Variants in SNX1 observed in about 807,000 individuals in gnomAD.
SNX1 encodes sorting nexin 1.
Under a neutral mutation model 71.8 loss-of-function variants are expected in SNX1, and 36 were observed. That is an observed-to-expected ratio of 0.50 (90% CI 0.38 to 0.66). The LOEUF (loss-of-function observed/expected upper bound fraction) is 0.66, where lower values mean the gene tolerates loss of function less well. Among genes scored for constraint, SNX1 ranks in the 30% least tolerant of loss-of-function variants. The pLI is 0.00. For synonymous variants in SNX1, 254 were observed against 240.7 expected, an observed-to-expected ratio of 1.06 and a Z score of -0.51; for missense variants, 612 against 646.7, an observed-to-expected ratio of 0.95 and a Z score of 0.58.
chr15:64,130,180 G>A (rs759095271), intron 9 of SNX1, 48 bp from the exon 10 acceptor site: 3 of 1,538,370 alleles, frequency 2.0e-6, no homozygotes, highest in South Asian at 2.2e-5. Context: ...AGACTGTACT[G>A]CACCCATAAA....
At chr15:64,123,918 C>G (rs2081221011) in intron 5 of SNX1, among the ~76,000 whole-genome samples, 1 of 151,922 alleles carries the variant, frequency 6.6e-6, no homozygotes, top group African/African-American at 2.4e-5. Flanking sequence ...TAACCTTTTG[C>G]CCCTCTAGTC....
Position 64,142,730 on chromosome 15 carries a change from AGAT to A in SNX1, c.*5115_*5117del, listed in dbSNP as rs1390478655. ...CAGCGTTTGGGCTCCGGAGTGCTGA[AGAT>A]GAGGACTGGACTTCGAGCTGGTGTG... is the stretch of plus-strand genomic sequence containing the variant. On this transcript the variant is annotated 3_prime_UTR_variant, in exon 15 of 15. Transcript: ENST00000559844. 1 of 455,942 alleles carries A rather than the reference AGAT, an allele frequency of 2.2e-6. No homozygotes were observed. The allele number at this position is 455,942 out of a possible 1,614,324, so 28.2% of individuals were successfully genotyped here. A position where few individuals can be genotyped will look rare whatever the true frequency, so the allele number is the denominator to read the frequency against.
intron 1 of SNX1, among the ~76,000 whole-genome samples, chr15:64,107,604 CT>C (rs2081035462): frequency 1.3e-5 from 2 of 152,202 alleles, no homozygotes; most frequent in Non-Finnish European, 2.9e-5. Flanking sequence ...TAGTATTGGT[CT>C]GTCTGTATGC....
chr15:64,126,207 G>A lies in SNX1; in HGVS notation c.639G>A (p.Glu213=), dbSNP rs776626028. Residue 213 remains glutamate (E), a synonymous_variant, in exon 6 of 15, where the codon GAG becomes GAA. Transcript: ENST00000559844. ...GCTTCATTGTCCCTCCGCCCCCGGA[G>A]AAGAGCCTCATAGGTAAGCCTGTGG... ...QNGFIVPPPP[E]KSLIGMTKVK... is the part of the protein sequence containing the mutation. 6.2e-7 allele frequency: 1 copy of A among 1,613,940 alleles called. No homozygotes were observed. Among genetic ancestry groups the A allele is most frequent in the Non-Finnish European group, 8.5e-7 (1 of 1,179,972 alleles).
At chr15:64,132,789 C>T (rs1235243824) in intron 11 of SNX1, among the ~76,000 whole-genome samples, 2 of 152,226 alleles carry the variant, frequency 1.3e-5, no homozygotes. Flanking sequence ...CAGGCTGTCA[C>T]TTACCCCGTG....
At chr15:64,137,419 G>T in intron 14 of SNX1, 149 bp from the exon 15 acceptor site, 1 of 727,270 alleles carries the variant, frequency 1.4e-6, no homozygotes, top group East Asian at 2.7e-5. Context: ...GAGGTGTGAA[G>T]GTCATGTGGC....
chr15:64,137,970 A>G lies in SNX1; in HGVS notation c.*352A>G, dbSNP rs1300325112. ...GTTTTCTGTTACTCCTGATGGTGCC[A>G]TGAAAAGGTTATGTAATAAAATATT... On this transcript the variant is annotated 3_prime_UTR_variant, in exon 15 of 15. Coordinates refer to ENST00000559844, the MANE Select transcript of SNX1 (RefSeq NM_003099.5). The G allele has an allele frequency of 6.2e-6, 9 of 1,442,500 alleles. No individual in the cohort carries two copies. Among genetic ancestry groups the G allele is most frequent in the Admixed American group, 5.8e-5 (2 of 34,708 alleles). 89.4% of individuals were successfully genotyped at this position (1,442,500 alleles called of 1,614,324 possible). A position where few individuals can be genotyped will look rare whatever the true frequency, so the allele number is the denominator to read the frequency against.
At chr15:64,100,853 T>C (rs1018973859) in intron 1 of SNX1, among the ~76,000 whole-genome samples, 8 of 152,242 alleles carry the variant, frequency 5.3e-5, no homozygotes, top group Non-Finnish European at 8.8e-5. Context: ...TCTCCCAGGC[T>C]AGAGGGCAGT....
intron 7 of SNX1, 22 bp from the exon 8 acceptor site, chr15:64,127,709 A>G (rs375244317): frequency 9.4e-5 from 151 of 1,598,112 alleles, no homozygotes; most frequent in Non-Finnish European, 1.2e-4. Context: ...AACTAACCAG[A>G]TGATAACTGC....
chr15:64,135,423 C>A (rs2081349106), intron 12 of SNX1, among the ~76,000 whole-genome samples: 1 of 150,510 alleles, frequency 6.6e-6, no homozygotes, highest in African/African-American at 2.4e-5. Flanking sequence ...TTAGACCAGC[C>A]TGGCCAACAT....
chr15:64,136,072 T>A (rs1417434882), intron 12 of SNX1, among the ~76,000 whole-genome samples: 1 of 152,182 alleles, frequency 6.6e-6, no homozygotes, highest in Non-Finnish European at 1.5e-5. Context: ...TGCTGGCATG[T>A]CAGAGCCTTC....
At chr15:64,130,984 A>C (rs1470672282) in intron 10 of SNX1, among the ~76,000 whole-genome samples, 1 of 152,202 alleles carries the variant, frequency 6.6e-6, no homozygotes, top group Non-Finnish European at 1.5e-5. Context: ...AGCCTTCAAA[A>C]TCTAAAAAAT....
chr15:64,129,092 C>G lies in SNX1; in HGVS notation c.808-824C>G, dbSNP rs566770040. Reference sequence around the variant, plus strand: ...CAAAATCCTGTCTCTACTAAAAATACAAAAATTAGCGGGTCGTGGTGGCGG... The same window carrying G: ...CAAAATCCTGTCTCTACTAAAAATAGAAAAATTAGCGGGTCGTGGTGGCGG... On this transcript the variant is annotated intron_variant, in intron 8 of 14. Coordinates refer to ENST00000559844, the MANE Select transcript of SNX1 (RefSeq NM_003099.5). The surrounding 1 kb of genome is among the most constrained non-coding windows in gnomAD (Gnocchi z 4.4). Among the ~76,000 whole-genome samples, 2 of 152,030 alleles carry G rather than the reference C, an allele frequency of 1.3e-5. No individual in the cohort carries two copies. The highest frequency in any genetic ancestry group is 2.9e-5 in the Non-Finnish European group (2 of 67,978).
rs1303260950 is a variant in SNX1, at chr15:64,140,783, C to T, written c.*3165C>T. 1 of 152,146 alleles carries T rather than the reference C, an allele frequency of 6.6e-6. No homozygotes were observed. Among genetic ancestry groups the T allele is most frequent in the Non-Finnish European group, 1.5e-5 (1 of 68,068 alleles). 9.4% of individuals were successfully genotyped at this position (152,146 alleles called of 1,614,324 possible). On this transcript the variant is annotated 3_prime_UTR_variant, in exon 15 of 15. Transcript: ENST00000559844. ...ATTTTTGGTAGAAATGGGGGTTTTA[C>T]CATGTTGGGGAGGCTGGTCTCGAAC...
intron 2 of SNX1, among the ~76,000 whole-genome samples, chr15:64,116,562 A>G (rs1031154373): frequency 3.3e-5 from 5 of 152,332 alleles, no homozygotes; most frequent in South Asian, 4.1e-4. Flanking sequence ...TGATTATGCT[A>G]TAGGCATATA....
chr15:64,118,378 A>C, intron 3 of SNX1, 134 bp downstream of exon 3: 1 of 991,908 alleles, frequency 1.0e-6, no homozygotes, highest in Non-Finnish European at 1.5e-6. Flanking sequence ...GTTAATGGAC[A>C]GCCAGAATCC....
At chr15:64,120,450 T>A (rs1036271912) in intron 4 of SNX1, among the ~76,000 whole-genome samples, 6 of 151,894 alleles carry the variant, frequency 4.0e-5, no homozygotes, top group Non-Finnish European at 5.9e-5. Flanking sequence ...TTTTTTTATA[T>A]TTTTTGTAGA....
At position 64,134,760 on chromosome 15, in the gene SNX1, G is replaced by A. The variant is rs758734208; in HGVS notation, c.1318G>A (p.Ala440Thr). ...KREAEARLLW[A>T]NKPDKLQQAK... ...GGAGGCCGAGGCTCGGCTGCTGTGGGCCAACAAGCCTGATAAGCTGCAGCA... is the reference window on the plus strand; with the variant it reads ...GGAGGCCGAGGCTCGGCTGCTGTGGACCAACAAGCCTGATAAGCTGCAGCA... The change falls in exon 12 of 15, where the codon GCC becomes ACC. Residue 440 changes from alanine to threonine, a missense_variant. Transcript: ENST00000559844. This position sits in a 1 kb window ranked among gnomAD's most constrained non-coding sequence, Gnocchi z 4.1. 6 of 1,613,834 alleles carry A rather than the reference G, an allele frequency of 3.7e-6. No individual in the cohort carries two copies. The Admixed American group carries it at 8.3e-5, about 22-fold the overall frequency.
chr15:64,105,141 A>G (rs2081007100), intron 1 of SNX1, among the ~76,000 whole-genome samples: 1 of 150,770 alleles, frequency 6.6e-6, no homozygotes, highest in Non-Finnish European at 1.5e-5. Flanking sequence ...AGGCTGAGGC[A>G]TGAGAATCGC....
Sources: allele counts gnomAD v4.1 joint callset (sites outside exome capture counted in the v4.1 genomes callset), GRCh38; gene constraint gnomAD v4.1.1; non-coding constraint Gnocchi (gnomAD v3.1); transcripts MANE v1.5; gene names NCBI Gene and HGNC (gene_info 2026-07-23, HGNC 2026-07-21).